Variants in CDKL4 observed in about 807,000 individuals in gnomAD.
CDKL4 encodes cyclin dependent kinase like 4, also known as cyclin-dependent kinase-like 4.
CDKL4 carries 44 observed loss-of-function variants against 42.0 expected under a neutral mutation model. The ratio of observed to expected loss-of-function variants is 1.05; its 90% confidence interval spans 0.82 to 1.35. CDKL4 has a LOEUF of 1.35. CDKL4 is among the 40% of genes most tolerant of loss of function. The probability of loss-of-function intolerance (pLI) is 0.00; values close to 1 mark genes in which losing one functional copy is unlikely to be tolerated. For synonymous variants in CDKL4, 120 were observed against 121.6 expected, an observed-to-expected ratio of 0.99 and a Z score of 0.09; for missense variants, 393 against 369.9, an observed-to-expected ratio of 1.06 and a Z score of -0.51.
intron 2 of CDKL4, 45 bp from the exon 3 acceptor site, chr2:39,226,005 A>G: frequency 6.3e-7 from 1 of 1,583,760 alleles, no homozygotes. Flanking sequence ...TGTTACTAGT[A>G]AAAGCTTCTA....
chr2:39,240,516 G>A (rs1234152251), intron 1 of CDKL4, among the ~76,000 whole-genome samples: 2 of 151,022 alleles, frequency 1.3e-5, no homozygotes, highest in Non-Finnish European at 2.9e-5. Flanking sequence ...TGACATGTAA[G>A]CAAATGTTCA....
At chr2:39,176,959 G>A (rs1393782622) in intron 9 of CDKL4, among the ~76,000 whole-genome samples, 1 of 152,072 alleles carries the variant, frequency 6.6e-6, no homozygotes, top group Non-Finnish European at 1.5e-5. Context: ...CTGGCTCCCT[G>A]GGCACCTCAC....
At chr2:39,226,706 C>T (rs1424414432) in intron 2 of CDKL4, among the ~76,000 whole-genome samples, 3 of 151,766 alleles carry the variant, frequency 2.0e-5, no homozygotes, top group Non-Finnish European at 2.9e-5. Context: ...CCAGGACTAT[C>T]GTAGGCAAAC....
the CDKL4 span, among the ~76,000 whole-genome samples, chr2:39,168,001 A>G: frequency 3.8e-3 from 572 of 152,320 alleles, 6 homozygotes; most frequent in East Asian, 0.023. Context: ...TTTTATTAAA[A>G]TAAGCTAAAG....
chr2:39,191,259 C>T (rs139600555), intron 5 of CDKL4, among the ~76,000 whole-genome samples: 2 of 152,280 alleles, frequency 1.3e-5, no homozygotes, highest in Admixed American at 6.5e-5. Context: ...ATTAGCCAGG[C>T]ATGGTGGCAC....
At chr2:39,203,496 T>C (rs149659978) in intron 5 of CDKL4, among the ~76,000 whole-genome samples, 1 of 152,314 alleles carries the variant, frequency 6.6e-6, no homozygotes, top group African/African-American at 2.4e-5. Flanking sequence ...TACCATGCAT[T>C]GGATGACTAT....
chr2:39,188,556 G>A (rs1283154084), intron 6 of CDKL4, among the ~76,000 whole-genome samples: 4 of 72,030 alleles, frequency 5.6e-5, no homozygotes, highest in South Asian at 6.3e-4. Flanking sequence ...GTGACAGTCC[G>A]TCTCAAAAAA....
At chr2:39,246,984 A>C (rs1679939831), upstream of CDKL4, among the ~76,000 whole-genome samples, 1 of 152,156 alleles carries the variant, frequency 6.6e-6, no homozygotes, top group African/African-American at 2.4e-5. Context: ...GGCTCAAGTG[A>C]TTCTCCCACC....
At chr2:39,234,520 C>T (rs969066034) in intron 1 of CDKL4, among the ~76,000 whole-genome samples, 47 of 152,030 alleles carry the variant, frequency 3.1e-4, no homozygotes, top group African/African-American at 7.2e-4. Context: ...CTGAAGAAGA[C>T]AAAACAATGA....
chr2:39,226,492 T>TATATTATATATATTA (rs1558580675), intron 2 of CDKL4, among the ~76,000 whole-genome samples: 2 of 146,076 alleles, frequency 1.4e-5, no homozygotes, highest in African/African-American at 2.5e-5. Context: ...ATATTATATA[T>TATATTATATATATTA]TTTCAGCATT....
chr2:39,198,583 T>C (rs777294876), intron 5 of CDKL4, among the ~76,000 whole-genome samples: 8 of 152,030 alleles, frequency 5.3e-5, no homozygotes, highest in Non-Finnish European at 1.0e-4. Context: ...ATAGACCATA[T>C]AATAGGCCAC....
intron 4 of CDKL4, among the ~76,000 whole-genome samples, chr2:39,208,623 ATGAGACACCATG>A (rs1558565939): frequency 1.3e-5 from 2 of 151,722 alleles, no homozygotes; most frequent in African/African-American, 4.8e-5. Flanking sequence ...GATTACAGGC[ATGAGACACCATG>A]CTTGGCCTTG....
chr2:39,174,730 G>A (rs1280590904), downstream of CDKL4, among the ~76,000 whole-genome samples: 5 of 152,058 alleles, frequency 3.3e-5, no homozygotes, highest in East Asian at 1.9e-4. Flanking sequence ...CACTGATTGC[G>A]CCTTTTTGCC....
At chr2:39,207,382 C>T (rs1677267306) in intron 4 of CDKL4, among the ~76,000 whole-genome samples, 1 of 151,744 alleles carries the variant, frequency 6.6e-6, no homozygotes, top group East Asian at 1.9e-4. Flanking sequence ...GAGACCCTGT[C>T]TCAAAAAAAA....
At chr2:39,213,919 GTTTTGTT>G (rs1232947459) in intron 3 of CDKL4, among the ~76,000 whole-genome samples, 1 of 146,594 alleles carries the variant, frequency 6.8e-6, no homozygotes, top group Non-Finnish European at 1.5e-5. Context: ...GTTTTGTTTT[GTTTTGTT>G]TTGTTTTTTG....
chr2:39,199,328 C>T (rs892587836), intron 5 of CDKL4, among the ~76,000 whole-genome samples: 2 of 151,676 alleles, frequency 1.3e-5, no homozygotes, highest in East Asian at 1.9e-4. Flanking sequence ...TAAGAAGCAG[C>T]GAGATTGAAA....
At chr2:39,190,750 G>C (rs1469043107) in intron 5 of CDKL4, among the ~76,000 whole-genome samples, 3 of 152,142 alleles carry the variant, frequency 2.0e-5, no homozygotes, top group South Asian at 4.1e-4. Flanking sequence ...GTGTGATAGG[G>C]ATGGGGGGAA....
At chr2:39,184,507 A>G in intron 8 of CDKL4, 84 bp downstream of exon 8, 1 of 880,436 alleles carries the variant, frequency 1.1e-6, no homozygotes, top group Non-Finnish European at 1.8e-6. Flanking sequence ...GCATTATTTA[A>G]TCCACTGTCC....
chr2:39,218,918 A>G (rs1056163201), intron 3 of CDKL4, among the ~76,000 whole-genome samples: 1 of 152,162 alleles, frequency 6.6e-6, no homozygotes, highest in Admixed American at 6.5e-5. Flanking sequence ...CAGTACCTCT[A>G]TGTATCCCAC....
Sources: gnomAD v4.1 joint callset for allele counts (sites outside exome capture counted in the v4.1 genomes callset) on GRCh38, gnomAD v4.1.1 for gene constraint, MANE v1.5 for transcripts, NCBI Gene and HGNC (gene_info 2026-07-23, HGNC 2026-07-21) for gene names.